The following GPHN variants were observed in gnomAD, a reference collection of about 807,000 sequenced individuals.
GPHN encodes gephyrin.
In GPHN, 17 loss-of-function variants were observed where a neutral mutation model predicts 95.5. That is an observed-to-expected ratio of 0.18 (90% CI 0.12 to 0.27). The LOEUF is 0.27. GPHN is among the 10% of genes least tolerant of loss of function. GPHN has a pLI of 1.00. For missense variants in GPHN, 660 were observed against 978.1 expected, an observed-to-expected ratio of 0.67 and a Z score of 4.34; for synonymous variants, 320 against 322.5, an observed-to-expected ratio of 0.99 and a Z score of 0.08.
intron 1 of GPHN, among the ~76,000 whole-genome samples, chr14:66,636,629 A>G (rs1390843708): frequency 1.3e-5 from 2 of 152,170 alleles, no homozygotes; most frequent in Non-Finnish European, 2.9e-5. Flanking sequence ...ACATGACTCC[A>G]TGATAAGTGT....
At chr14:67,175,466 T>C (rs879580499) in intron 21 of GPHN, among the ~76,000 whole-genome samples, 4 of 152,176 alleles carry the variant, frequency 2.6e-5, no homozygotes, top group Non-Finnish European at 5.9e-5. Context: ...TATCATGCTG[T>C]TTTGGTTACT....
intron 1 of GPHN, among the ~76,000 whole-genome samples, chr14:66,570,145 G>C (rs1270691566): frequency 1.3e-5 from 2 of 151,916 alleles, no homozygotes; most frequent in Non-Finnish European, 2.9e-5. Context: ...AGGTTGAATA[G>C]TCTTCCAATG....
At chr14:66,797,021 C>CTTTTTTTTTTTTTTTTTTTTTT (rs369681377) in intron 3 of GPHN, among the ~76,000 whole-genome samples, 18 of 81,224 alleles carry the variant, frequency 2.2e-4, no homozygotes, top group Non-Finnish European at 3.9e-4. Context: ...TATCTAGTTC[C>CTTTTTTTTTTTTTTTTTTTTTT]TTTTTTTTTT....
At chr14:67,339,575 C>G in the GPHN span, among the ~76,000 whole-genome samples, 1 of 152,096 alleles carries the variant, frequency 6.6e-6, no homozygotes, top group African/African-American at 2.4e-5. Context: ...GTATTTATAC[C>G]TGTTGACTCT....
intron 1 of GPHN, among the ~76,000 whole-genome samples, chr14:66,674,517 C>CT (rs1468620582): frequency 6.6e-6 from 1 of 152,090 alleles, no homozygotes. Flanking sequence ...TCTATGACCT[C>CT]TTTTTTTGTT....
chr14:67,302,045 A>G, the GPHN span: 2 of 1,610,710 alleles, frequency 1.2e-6, no homozygotes. Flanking sequence ...GAGAGAGTTT[A>G]TGAAAGTATT....
At chr14:67,655,497 G>A in the GPHN span, among the ~76,000 whole-genome samples, 1 of 151,842 alleles carries the variant, frequency 6.6e-6, no homozygotes, top group Non-Finnish European at 1.5e-5. Context: ...TACCTTACTG[G>A]ATAATCCTTA....
intron 10 of GPHN, among the ~76,000 whole-genome samples, chr14:67,026,250 G>T (rs2073916084): frequency 6.6e-6 from 1 of 152,156 alleles, no homozygotes; most frequent in African/African-American, 2.4e-5. Context: ...GTGGTAATAA[G>T]ATGGTCTGCC....
intron 1 of GPHN, among the ~76,000 whole-genome samples, chr14:66,611,701 C>T (rs1044404195): frequency 3.3e-5 from 5 of 152,136 alleles, no homozygotes; most frequent in Admixed American, 6.6e-5. Flanking sequence ...GTGTTTTAAA[C>T]CTTTTCAAAG....
At chr14:67,359,601 G>A in the GPHN span, 2 of 1,599,132 alleles carry the variant, frequency 1.3e-6, no homozygotes, top group East Asian at 2.2e-5. Flanking sequence ...GGTCTGAAGG[G>A]ACCGCGCTCC....
chr14:67,352,740 G>T, the GPHN span: 5 of 529,350 alleles, frequency 9.4e-6, no homozygotes. Flanking sequence ...TTGCAGGCAA[G>T]ATTAAAGAGT....
chr14:66,659,373 A>C (rs2065501097), intron 1 of GPHN, among the ~76,000 whole-genome samples: 1 of 152,030 alleles, frequency 6.6e-6, no homozygotes, highest in South Asian at 2.1e-4. Context: ...CATGGTCTAT[A>C]TTGAAATAAG....
chr14:67,682,008 C>T, the GPHN span, among the ~76,000 whole-genome samples: 2 of 152,166 alleles, frequency 1.3e-5, no homozygotes, highest in Non-Finnish European at 2.9e-5. Flanking sequence ...TGCTTGCCCT[C>T]TCACCATGTG....
chr14:67,572,188 GC>G, the GPHN span: 1 of 1,608,312 alleles, frequency 6.2e-7, no homozygotes, highest in Non-Finnish European at 8.5e-7. Flanking sequence ...CCCCCCGGAC[GC>G]CTGCTCACTG....
chr14:67,221,468 C>T, the GPHN span, among the ~76,000 whole-genome samples: 3 of 152,152 alleles, frequency 2.0e-5, no homozygotes, highest in Non-Finnish European at 2.9e-5. Context: ...GACAAGGAGG[C>T]GGCAGTGTTG....
At chr14:66,998,710 G>T (rs1200446758) in intron 9 of GPHN, among the ~76,000 whole-genome samples, 3 of 151,626 alleles carry the variant, frequency 2.0e-5, no homozygotes, top group Non-Finnish European at 2.9e-5. Flanking sequence ...TAGCACATTG[G>T]TTTACCAATT....
At chr14:66,603,751 C>T (rs1336511157) in intron 1 of GPHN, among the ~76,000 whole-genome samples, 3 of 151,784 alleles carry the variant, frequency 2.0e-5, no homozygotes, top group Non-Finnish European at 1.5e-5. Context: ...TCACTTTTGT[C>T]ACAAACAAAA....
the GPHN span, among the ~76,000 whole-genome samples, chr14:67,718,652 C>T: frequency 1.3e-5 from 2 of 152,202 alleles, no homozygotes; most frequent in East Asian, 3.8e-4. Flanking sequence ...CAGGCCTATT[C>T]CTACACTGGT....
At chr14:67,600,045 G>C in the GPHN span, 1 of 1,575,746 alleles carries the variant, frequency 6.3e-7, no homozygotes, top group Non-Finnish European at 8.6e-7. Flanking sequence ...TGAAGAGTCC[G>C]TAGGCCGCCA....
Sources: gnomAD v4.1 joint callset for allele counts (sites outside exome capture counted in the v4.1 genomes callset) on GRCh38, gnomAD v4.1.1 for gene constraint, MANE v1.5 for transcripts, NCBI Gene and HGNC (gene_info 2026-07-23, HGNC 2026-07-21) for gene names.